Variants in EYS observed in about 807,000 individuals in gnomAD.
EYS encodes the protein EGF-like photoreceptor maintenance factor.
In EYS, 250 loss-of-function variants were observed where a neutral mutation model predicts 282.1. The ratio of observed to expected loss-of-function variants is 0.89; its 90% CI spans 0.80 to 0.98. The LOEUF (loss-of-function observed/expected upper bound fraction) is 0.98, where lower values mean the gene tolerates loss of function less well. Among genes scored for constraint, EYS ranks in the 50% least tolerant of loss-of-function variants. The pLI is 0.00. For missense variants in EYS, 4,016 were observed against 3,709.0 expected, an observed-to-expected ratio of 1.08 and a Z score of -2.15; for synonymous variants, 1,355 against 1,282.9, an observed-to-expected ratio of 1.06 and a Z score of -1.20.
intron 19 of EYS, among the ~76,000 whole-genome samples, chr6:64,860,507 T>C (rs968493753): frequency 6.6e-6 from 1 of 152,190 alleles, no homozygotes; most frequent in African/African-American, 2.4e-5. Context: ...CCAGAAGTAC[T>C]GCAAGCAGCT....
chr6:64,115,350 T>C (rs1773342278), intron 31 of EYS, among the ~76,000 whole-genome samples: 1 of 152,060 alleles, frequency 6.6e-6, no homozygotes, highest in South Asian at 2.1e-4. Flanking sequence ...AACTCTGTGC[T>C]CACTACCCAG....
intron 26 of EYS, among the ~76,000 whole-genome samples, chr6:64,487,605 C>A (rs1196685342): frequency 3.3e-5 from 5 of 150,584 alleles, no homozygotes; most frequent in Non-Finnish European, 7.4e-5. Context: ...TAATCCTTAT[C>A]TTTTTTCATT....
Position 64,461,013 on chromosome 6 carries a change from G to A in EYS, c.5645-21661C>T, listed in dbSNP as rs75326004. 9.9e-3 allele frequency among the ~76,000 whole-genome samples: 1,506 copies of A among 152,270 alleles called. 27 individuals are homozygous for A. Among genetic ancestry groups the A allele is most frequent in the African/African-American group, 0.035 (1,439 of 41,542 alleles). ...AAAAGTACATGTAATATTATATTGA[G>A]CATAGACACACAGAAACATAGTGCA... On this transcript the variant is annotated intron_variant, in intron 26 of 42. Coordinates refer to ENST00000503581, the MANE Select transcript of EYS (RefSeq NM_001142800.2).
chr6:65,298,045 G>A (rs1225815609), intron 11 of EYS, among the ~76,000 whole-genome samples: 3 of 151,970 alleles, frequency 2.0e-5, no homozygotes, highest in African/African-American at 7.2e-5. Context: ...CCATGAAAAT[G>A]AAAAGAAAAT....
At chr6:64,576,531 T>C (rs1765887573) in intron 26 of EYS, among the ~76,000 whole-genome samples, 1 of 152,064 alleles carries the variant, frequency 6.6e-6, no homozygotes, top group African/African-American at 2.4e-5. Flanking sequence ...TTTGTTCACT[T>C]GTTCCCACTT....
At chr6:65,349,373 A>G (rs9445512) in intron 9 of EYS, among the ~76,000 whole-genome samples, 102,685 of 151,196 alleles carry the variant, frequency 0.68, 34,958 homozygotes, top group South Asian at 0.73. Flanking sequence ...TAAGATGTCA[A>G]TTTCATAGAA....
In EYS at chr6:65,387,015, T is replaced by TA. The variant is rs528606884; in HGVS notation, c.1185-2516dup. Reference sequence around the variant, plus strand: ...AGGGAAGGAAAAAAAATAATGAAAATAAAATATAATAGTGGAAAAGAGGAG... The same window carrying TA: ...AGGGAAGGAAAAAAAATAATGAAAATAAAAATATAATAGTGGAAAAGAGGAG... On this transcript the variant is annotated intron_variant, in intron 7 of 42. Coordinates refer to ENST00000503581, the MANE Select transcript of EYS (RefSeq NM_001142800.2). 2.9e-3 allele frequency among the ~76,000 whole-genome samples: 437 copies of TA among 151,808 alleles called. 4 individuals are homozygous for TA. Among genetic ancestry groups the TA allele is most frequent in the African/African-American group, 0.01 (425 of 41,438 alleles).
At chr6:64,906,249 T>C (rs1352960757) in intron 16 of EYS, among the ~76,000 whole-genome samples, 1 of 151,738 alleles carries the variant, frequency 6.6e-6, no homozygotes, top group Admixed American at 6.6e-5. Context: ...TCTAATAAGA[T>C]TTTTAACATC....
Position 64,877,786 on chromosome 6 carries a change from C to T in EYS, c.2992+8911G>A, listed in dbSNP as rs75786805. ...TCAAAATTCTTTTTTTTAAACAAATCGAGTAGTAGTTTAACACTTTTTACA... is the reference window on the plus strand; with the variant it reads ...TCAAAATTCTTTTTTTTAAACAAATTGAGTAGTAGTTTAACACTTTTTACA... On this transcript the variant is annotated intron_variant, in intron 19 of 42. Transcript: ENST00000503581. Among the ~76,000 whole-genome samples, 32 of 151,706 alleles carry T rather than the reference C, an allele frequency of 2.1e-4. No individual in the cohort carries two copies. The East Asian group carries it at 2.1e-3, about 10-fold the overall frequency.
chr6:64,569,494 C>A (rs1043456725), intron 26 of EYS, among the ~76,000 whole-genome samples: 1 of 152,068 alleles, frequency 6.6e-6, no homozygotes, highest in East Asian at 1.9e-4. Context: ...GTAATCCCAG[C>A]ACTTTGGGAG....
intron 12 of EYS, among the ~76,000 whole-genome samples, chr6:65,130,865 T>A (rs1336522188): frequency 6.6e-6 from 1 of 151,336 alleles, no homozygotes; most frequent in Admixed American, 6.6e-5. Context: ...TAAGTTGTTT[T>A]TAAAAATAGT....
At chr6:64,339,109 T>C (rs1770986550) in intron 29 of EYS, among the ~76,000 whole-genome samples, 1 of 151,812 alleles carries the variant, frequency 6.6e-6, no homozygotes, top group South Asian at 2.1e-4. Context: ...CAAAAGCAAA[T>C]GCAATAAAAA....
intron 1 of EYS, among the ~76,000 whole-genome samples, chr6:65,682,678 T>C (rs1426255926): frequency 6.6e-6 from 1 of 151,844 alleles, no homozygotes; most frequent in African/African-American, 2.4e-5. Context: ...AGCTCCAATA[T>C]AGCAGCTAAA....
intron 26 of EYS, among the ~76,000 whole-genome samples, chr6:64,455,354 ATTTCT>A (rs928257598): frequency 4.6e-5 from 7 of 151,904 alleles, no homozygotes; most frequent in African/African-American, 1.7e-4. Context: ...TGACAATAAG[ATTTCT>A]TTTCTTGTTT....
chr6:65,180,720 T>C (rs1262892285), intron 12 of EYS, among the ~76,000 whole-genome samples: 2 of 152,086 alleles, frequency 1.3e-5, no homozygotes, highest in South Asian at 2.1e-4. Context: ...AAAGTTCATA[T>C]GGAACCAAAA....
chr6:64,341,900 C>T (rs1444023217), intron 29 of EYS, among the ~76,000 whole-genome samples: 1 of 151,434 alleles, frequency 6.6e-6, no homozygotes, highest in Non-Finnish European at 1.5e-5. Flanking sequence ...TAAAAGAATA[C>T]CGAATGTGAT....
intron 2 of EYS, among the ~76,000 whole-genome samples, chr6:65,628,248 T>G (rs1449081639): frequency 6.6e-6 from 1 of 152,132 alleles, no homozygotes; most frequent in Non-Finnish European, 1.5e-5. Context: ...ATCTAGCTGC[T>G]CTGGTGGGGC....
chr6:64,532,609 T>C (rs191941278), intron 26 of EYS, among the ~76,000 whole-genome samples: 99 of 152,132 alleles, frequency 6.5e-4, no homozygotes, highest in Non-Finnish European at 1.2e-3. Flanking sequence ...CTCGGGAGGC[T>C]GAGGCAGGAG....
chr6:65,412,554 G>T (rs946335647), intron 5 of EYS, among the ~76,000 whole-genome samples: 1 of 151,892 alleles, frequency 6.6e-6, no homozygotes, highest in Non-Finnish European at 1.5e-5. Context: ...ATATTATTGT[G>T]GCCTTAATTT....
Sources: allele counts gnomAD v4.1 joint callset (sites outside exome capture counted in the v4.1 genomes callset), GRCh38; gene constraint gnomAD v4.1.1; transcripts MANE v1.5; gene names NCBI Gene and HGNC (gene_info 2026-07-23, HGNC 2026-07-21).